Variants in THSD7B observed in about 807,000 individuals in gnomAD.
THSD7B encodes the protein thrombospondin type-1 domain-containing protein 7B.
In THSD7B, 138 loss-of-function variants were observed where a neutral mutation model predicts 213.6. The observed-to-expected ratio is 0.65, with a 90% CI of 0.56 to 0.74. The LOEUF is 0.74. THSD7B is among the 30% of genes least tolerant of loss of function. THSD7B has a pLI of 0.00. For synonymous variants in THSD7B, 742 were observed against 687.0 expected, an observed-to-expected ratio of 1.08 and a Z score of -1.25; for missense variants, 1,931 against 1,991.5, an observed-to-expected ratio of 0.97 and a Z score of 0.58.
At chr2:137,616,371 A>C in intron 18 of THSD7B, 55 bp downstream of exon 18, 1 of 1,521,112 alleles carries the variant, frequency 6.6e-7, no homozygotes, top group Non-Finnish European at 9.0e-7. Context: ...CTAATGAGAG[A>C]ATTTTTGCGT....
chr2:136,959,044 G>A (rs571933662), intron 2 of THSD7B, among the ~76,000 whole-genome samples: 1 of 152,216 alleles, frequency 6.6e-6, no homozygotes, highest in Admixed American at 6.5e-5. Context: ...CTCCAAGCAG[G>A]GATTCTGGGA....
intron 15 of THSD7B, among the ~76,000 whole-genome samples, chr2:137,507,389 C>T (rs1679859984): frequency 6.6e-6 from 1 of 152,124 alleles, no homozygotes; most frequent in South Asian, 2.1e-4. Flanking sequence ...CAACAAATTC[C>T]CATAACTTTG....
intron 20 of THSD7B, among the ~76,000 whole-genome samples, chr2:137,623,952 T>G (rs189896862): frequency 1.3e-5 from 2 of 152,328 alleles, no homozygotes; most frequent in Admixed American, 6.5e-5. Context: ...TACCAACGAC[T>G]TTCTTCACAG....
At chr2:137,605,114 G>A (rs1682147279) in intron 17 of THSD7B, among the ~76,000 whole-genome samples, 2 of 152,106 alleles carry the variant, frequency 1.3e-5, no homozygotes, top group Admixed American at 1.3e-4. Flanking sequence ...AAGGCCTGTG[G>A]ACAAAATGGA....
intron 14 of THSD7B, among the ~76,000 whole-genome samples, chr2:137,444,407 T>A (rs138946689): frequency 7.4e-4 from 113 of 152,114 alleles, no homozygotes; most frequent in African/African-American, 2.6e-3. Flanking sequence ...TTAAAATAAT[T>A]TTGCAATTTT....
chr2:136,848,823 A>G (rs1683050641), intron 1 of THSD7B, among the ~76,000 whole-genome samples: 1 of 152,150 alleles, frequency 6.6e-6, no homozygotes, highest in Non-Finnish European at 1.5e-5. Flanking sequence ...ATTCATAATT[A>G]ATTTCTCACT....
At chr2:137,175,761 G>A (rs1430836090) in intron 7 of THSD7B, among the ~76,000 whole-genome samples, 1 of 152,044 alleles carries the variant, frequency 6.6e-6, no homozygotes, top group Non-Finnish European at 1.5e-5. Context: ...TACCTAAGTT[G>A]GATCAAATAT....
intron 4 of THSD7B, among the ~76,000 whole-genome samples, chr2:137,096,116 G>C (rs562818378): frequency 6.6e-6 from 1 of 152,134 alleles, no homozygotes; most frequent in Non-Finnish European, 1.5e-5. Flanking sequence ...TTTGATAACA[G>C]ACAGAAATCT....
intron 1 of THSD7B, among the ~76,000 whole-genome samples, chr2:136,772,881 T>C (rs1167527863): frequency 6.6e-6 from 1 of 152,176 alleles, no homozygotes; most frequent in Non-Finnish European, 1.5e-5. Flanking sequence ...TGAACTTTCA[T>C]GGAAGTGTAT....
chr2:136,996,706 A>C (rs571961025), intron 2 of THSD7B, among the ~76,000 whole-genome samples: 1 of 152,162 alleles, frequency 6.6e-6, no homozygotes. Context: ...GCTTTTAATA[A>C]AATAATTTAA....
At chr2:137,293,279 C>A (rs973468636) in intron 12 of THSD7B, among the ~76,000 whole-genome samples, 1 of 152,086 alleles carries the variant, frequency 6.6e-6, no homozygotes, top group South Asian at 2.1e-4. Flanking sequence ...GCTGGGATGA[C>A]AGGTGCGTGC....
chr2:137,511,068 A>C (rs1030665988), intron 15 of THSD7B, among the ~76,000 whole-genome samples: 3 of 152,140 alleles, frequency 2.0e-5, no homozygotes, highest in Non-Finnish European at 4.4e-5. Context: ...TGGAATGCTT[A>C]ATAGTGTGTC....
chr2:137,057,283 A>G, intron 3 of THSD7B, 53 bp downstream of exon 3: 1 of 1,416,188 alleles, frequency 7.1e-7, no homozygotes, highest in Non-Finnish European at 9.5e-7. Context: ...TTTATAGTGC[A>G]ACTTTATAAA....
rs137962318 is a variant in THSD7B, at chr2:137,092,749, T to C, written c.951-2124T>C. 3.8e-3 allele frequency among the ~76,000 whole-genome samples: 571 copies of C among 152,230 alleles called. 8 individuals carry two copies. The East Asian group carries it at 0.051, about 14-fold the overall frequency. The stretch of plus-strand genomic sequence containing the variant: ...TCCCAGGTTCAAGCAACTCTCCTGC[T>C]TCAGCCTCCCAAGTAGCTAGGACTA... On this transcript the variant is annotated intron_variant, in intron 3 of 27. Coordinates refer to ENST00000409968, the MANE Select transcript of THSD7B (RefSeq NM_001316349.2).
chr2:136,962,403 C>CTTTTTTTTTTTTTT (rs71400559), intron 2 of THSD7B, among the ~76,000 whole-genome samples: 3 of 100,180 alleles, frequency 3.0e-5, no homozygotes, highest in African/African-American at 3.8e-5. Flanking sequence ...AATCTGTTAT[C>CTTTTTTTTTTTTTT]TTTTTTTTTT....
At chr2:136,912,455 C>T (rs1684279150) in intron 2 of THSD7B, among the ~76,000 whole-genome samples, 1 of 151,440 alleles carries the variant, frequency 6.6e-6, no homozygotes, top group Non-Finnish European at 1.5e-5. Flanking sequence ...TGTGTGCTTT[C>T]CTGCTGTGTT....
intron 12 of THSD7B, among the ~76,000 whole-genome samples, chr2:137,378,222 GT>G (rs2104959976): frequency 6.6e-6 from 1 of 152,266 alleles, no homozygotes; most frequent in East Asian, 1.9e-4. Flanking sequence ...TGCTGACAAT[GT>G]CTTAAAGAAT....
At chr2:137,436,424 C>A (rs891517237) in intron 14 of THSD7B, among the ~76,000 whole-genome samples, 2 of 152,130 alleles carry the variant, frequency 1.3e-5, no homozygotes, top group Non-Finnish European at 2.9e-5. Context: ...AATGTCAGAG[C>A]CTGTTTTGTC....
intron 1 of THSD7B, among the ~76,000 whole-genome samples, chr2:136,795,469 TC>T (rs1217462727): frequency 2.0e-5 from 3 of 152,014 alleles, no homozygotes; most frequent in African/African-American, 7.2e-5. Flanking sequence ...CTTAATCACA[TC>T]TGCAAAGTCC....
Sources: gnomAD v4.1 joint callset for allele counts (sites outside exome capture counted in the v4.1 genomes callset) on GRCh38, gnomAD v4.1.1 for gene constraint, MANE v1.5 for transcripts, NCBI Gene and HGNC (gene_info 2026-07-23, HGNC 2026-07-21) for gene names.